MYO15A: variants seen among roughly 807,000 people sequenced by gnomAD.
MYO15A encodes myosin XVA, also known as unconventional myosin-XV.
A neutral mutation model predicts 394.6 loss-of-function variants in MYO15A; 308 were observed. That is an observed-to-expected ratio of 0.78 (90% CI 0.71 to 0.86). The LOEUF is 0.86. Among genes scored for constraint, MYO15A ranks in the 40% least tolerant of loss-of-function variants. The probability of loss-of-function intolerance (pLI) is 0.00; values close to 1 mark genes in which losing one functional copy is unlikely to be tolerated. For synonymous variants in MYO15A, 1,957 were observed against 2,003.8 expected (o/e 0.98, Z 0.62); for missense variants, 4,606 against 4,799.1 (o/e 0.96, Z 1.19).
At chr17:18,159,058 C>T in intron 53 of MYO15A, 61 bp downstream of exon 53, 1 of 1,557,382 alleles carries the variant, frequency 6.4e-7, no homozygotes, top group Non-Finnish European at 8.8e-7. Flanking sequence ...GGCCCCCTCC[C>T]AGGCCCCTGG....
At chr17:18,133,112 C>A in intron 11 of MYO15A, 113 bp from the exon 12 acceptor site, 1 of 1,085,508 alleles carries the variant, frequency 9.2e-7, no homozygotes, top group Non-Finnish European at 1.4e-6. Context: ...AGTGAAATGA[C>A]AGCTTGAGTG....
chr17:18,174,787 C>T (rs1199506888), intron 65 of MYO15A, among the ~76,000 whole-genome samples: 3 of 152,174 alleles, frequency 2.0e-5, no homozygotes, highest in Non-Finnish European at 4.4e-5. Context: ...CCTGTAACAT[C>T]CCCCCTCCAG....
chr17:18,116,306 G>A (rs537652074), intron 1 of MYO15A, among the ~76,000 whole-genome samples: 32 of 152,328 alleles, frequency 2.1e-4, no homozygotes, highest in African/African-American at 7.2e-4. Context: ...CTATGCTCCT[G>A]GCTCTGCCCA....
chr17:18,121,212 C>A lies in MYO15A; in HGVS notation c.2412C>A (p.Gly804=), dbSNP rs765656176. 1 of 1,496,786 alleles carries A rather than the reference C, an allele frequency of 6.7e-7. No individual in the cohort carries two copies. Among genetic ancestry groups the A allele is most frequent in the South Asian group, 1.2e-5 (1 of 80,690 alleles). The allele number at this position is 1,496,786 out of a possible 1,614,324, so 92.7% of individuals were successfully genotyped here. Residue 804 remains glycine (G), a synonymous_variant, in exon 2 of 66, where the codon GGC becomes GGA. Transcript: ENST00000647165. This position sits in a 1 kb window ranked among gnomAD's most constrained non-coding sequence, Gnocchi z 5.3. Reference sequence around the variant, plus strand: ...CGCCTCAGCTGTCCTTGCGCACGGGCCCCTTCCAGCCGCCCTTCCTGCCCC... The same window carrying A: ...CGCCTCAGCTGTCCTTGCGCACGGGACCCTTCCAGCCGCCCTTCCTGCCCC... ...PPSPQLSLRT[G]PFQPPFLPPA...
At chr17:18,130,864 G>GTGTGTGTGTGTGTT in intron 8 of MYO15A, 54 bp downstream of exon 8, 1 of 1,501,702 alleles carries the variant, frequency 6.7e-7, no homozygotes, top group Non-Finnish European at 9.1e-7. Flanking sequence ...GTGTGTGTGT[G>GTGTGTGTGTGTGTT]TGTGTGTCTG....
rs375176218 is a variant in MYO15A, at chr17:18,152,211, G to A, written c.7966+27G>A. ...TGAGAGGGCCAGGAGGGAGGGAGGG[G>A]AGGGTGTCCAAGTATATGAGGAAGT... On this transcript the variant is annotated intron_variant, in intron 42 of 65. Coordinates refer to ENST00000647165, the MANE Select transcript of MYO15A (RefSeq NM_016239.4). The A allele has an allele frequency of 6.6e-4, 1,017 of 1,535,798 alleles. 4 individuals carry two copies. Among genetic ancestry groups the A allele is most frequent in the Middle Eastern group, 2.5e-3 (15 of 5,968 alleles).
intron 60 of MYO15A, among the ~76,000 whole-genome samples, chr17:18,165,754 A>G (rs1368440138): frequency 6.6e-6 from 1 of 152,234 alleles, no homozygotes; most frequent in African/African-American, 2.4e-5. Flanking sequence ...AGTGGTAATC[A>G]TGTAATCATA....
intron 57 of MYO15A, among the ~76,000 whole-genome samples, chr17:18,162,137 G>A (rs2046785671): frequency 6.6e-6 from 1 of 152,174 alleles, no homozygotes. Flanking sequence ...TAGAACTCTT[G>A]ACTCAAGAGA....
At chr17:18,159,159 G>A (rs1597811752) in intron 53 of MYO15A, 116 bp from the exon 54 acceptor site, 3 of 1,408,918 alleles carry the variant, frequency 2.1e-6, no homozygotes, top group East Asian at 4.8e-5. Context: ...GTTGGGCCTG[G>A]CTCCCCTTTT....
Position 18,157,427 on chromosome 17 carries a change from G to A in MYO15A, c.8788+197G>A, listed in dbSNP as rs577431111. On this transcript the variant is annotated intron_variant, in intron 50 of 65. Transcript: ENST00000647165. ...CCTCTGCTTTGCCTGAGGGGTCTCC[G>A]TGGGCATTTCCATGTTTGTGGCCTG... The A allele has an allele frequency of 1.6e-4, 150 of 915,914 alleles. 2 individuals carry two copies. The South Asian group carries it at 1.7e-3, about 10-fold the overall frequency. 56.7% of individuals were successfully genotyped at this position (915,914 alleles called of 1,614,324 possible).
chr17:18,145,783 G>A, intron 29 of MYO15A, 89 bp from the exon 30 acceptor site: 1 of 1,110,898 alleles, frequency 9.0e-7, no homozygotes, highest in Non-Finnish European at 1.4e-6. Flanking sequence ...GGCACACATG[G>A]GAGGGACATG....
chr17:18,111,122 C>T (rs905251173), intron 1 of MYO15A, among the ~76,000 whole-genome samples: 3 of 152,212 alleles, frequency 2.0e-5, no homozygotes, highest in South Asian at 2.1e-4. Flanking sequence ...GAATATTGCC[C>T]GGGGGCAAGG....
In MYO15A at chr17:18,156,140, G is replaced by A. The variant is rs2242595; in HGVS notation, c.8460-55G>A. On this transcript the variant is annotated intron_variant, in intron 47 of 65. Coordinates refer to ENST00000647165, the MANE Select transcript of MYO15A (RefSeq NM_016239.4). Reference sequence around the variant, plus strand: ...GACAGGATCAGAAGCAGCACAATAGGTGGAAGGAGGGCATCCCTCTGGCAG... The same window carrying A: ...GACAGGATCAGAAGCAGCACAATAGATGGAAGGAGGGCATCCCTCTGGCAG... The A allele has an allele frequency of 0.14, 233,159 of 1,612,136 alleles. 22,008 individuals carry two copies. Among genetic ancestry groups the A allele is most frequent in the East Asian group, 0.5 (22,218 of 44,814 alleles).
At chr17:18,138,712 G>A in intron 17 of MYO15A, 99 bp from the exon 18 acceptor site, 1 of 1,497,026 alleles carries the variant, frequency 6.7e-7, no homozygotes. Context: ...CCTCTCTGGT[G>A]CTCAGTTGGG....
chr17:18,169,157 T>TAAAAATAAA (rs1555548317), intron 62 of MYO15A, among the ~76,000 whole-genome samples: 1 of 92,152 alleles, frequency 1.1e-5, no homozygotes, highest in Non-Finnish European at 2.4e-5. Flanking sequence ...ATAATAATAA[T>TAAAAATAAA]AAAAATAGGC....
At chr17:18,138,733 G>A (rs1327533604) in intron 17 of MYO15A, 78 bp from the exon 18 acceptor site, 6 of 1,571,814 alleles carry the variant, frequency 3.8e-6, no homozygotes, top group Non-Finnish European at 5.2e-6. Flanking sequence ...AGCAGTCGGG[G>A]ATAGTGAGGT....
In MYO15A at chr17:18,122,214, A is replaced by T; in HGVS notation, c.3414A>T (p.Gln1138His). ...QRVGPATLKP[Q>H]VQPIQDPKPR... Reference sequence around the variant, plus strand: ...TTGGGCCTGCAACCCTGAAGCCTCAAGTCCAGCCCATTCAGGACCCCAAGC... The same window carrying T: ...TTGGGCCTGCAACCCTGAAGCCTCATGTCCAGCCCATTCAGGACCCCAAGC... Residue 1138 changes from glutamine (Q) to histidine (H), a missense_variant, in exon 2 of 66, where the codon CAA (glutamine) becomes CAT (histidine). Around this residue, in one of 2 missense-constraint regions of MYO15A, gnomAD observed 1,830 missense variants for 1,689.7 expected, o/e 1.08. Transcript: ENST00000647165. The T allele has an allele frequency of 1.2e-6, 2 of 1,613,200 alleles. No individual in the cohort carries two copies. Among genetic ancestry groups the T allele is most frequent in the Non-Finnish European group, 8.5e-7 (1 of 1,180,022 alleles).
Position 18,118,766 on chromosome 17 carries a change from C to T in MYO15A, c.-35C>T. ...TCTCCAAGTCCCTGAGCCCGTGACA[C>T]CGGCCCCAGGCCCTGTAGAGAGCAG... On this transcript the variant is annotated 5_prime_UTR_variant, in exon 2 of 66. Transcript: ENST00000647165. 6.2e-7 allele frequency: 1 copy of T among 1,607,498 alleles called. No individual in the cohort carries two copies. The highest frequency in any genetic ancestry group is 8.5e-7 in the Non-Finnish European group (1 of 1,177,684).
intron 8 of MYO15A, 49 bp from the exon 9 acceptor site, chr17:18,131,190 C>T (rs1220418634): frequency 6.4e-7 from 1 of 1,555,226 alleles, no homozygotes; most frequent in African/African-American, 1.4e-5. Flanking sequence ...CCCAGGCCCC[C>T]AGAACAGTGC....
Sources: allele counts gnomAD v4.1 joint callset (sites outside exome capture counted in the v4.1 genomes callset), GRCh38; gene constraint gnomAD v4.1.1; regional missense constraint gnomAD v4.1.1; non-coding constraint Gnocchi (gnomAD v3.1); transcripts MANE v1.5; gene names NCBI Gene and HGNC (gene_info 2026-07-23, HGNC 2026-07-21).